THBS2: variants seen among roughly 807,000 people sequenced by gnomAD.
The protein encoded by THBS2 is thrombospondin-2.
A neutral mutation model predicts 135.2 loss-of-function variants in THBS2; 47 were observed. That is an observed-to-expected ratio of 0.35 (90% confidence interval 0.28 to 0.44). The LOEUF is 0.44. Ranked by LOEUF, THBS2 falls within the 20% of genes least tolerant of loss-of-function variation. THBS2 has a pLI of 1.00. For synonymous variants in THBS2, 639 were observed against 633.8 expected (o/e 1.01, Z -0.12); for missense variants, 1,288 against 1,603.1 (o/e 0.80, Z 3.36).
chr6:169,249,821 G>C (rs371970523), intron 2 of THBS2, among the ~76,000 whole-genome samples: 1 of 152,246 alleles, frequency 6.6e-6, no homozygotes, highest in Non-Finnish European at 1.5e-5. Context: ...ATGAGGTCAG[G>C]AGACGGAGAC....
chr6:169,242,581 C>A (rs1328971742), intron 4 of THBS2, among the ~76,000 whole-genome samples: 1 of 132,216 alleles, frequency 7.6e-6, no homozygotes, highest in Non-Finnish European at 1.6e-5. Context: ...CACCTTCCCC[C>A]AAATTCCCAC....
At chr6:169,234,942 A>G (rs1779982006) in intron 9 of THBS2, 35 bp from the exon 10 acceptor site, 1 of 1,583,476 alleles carries the variant, frequency 6.3e-7, no homozygotes, top group East Asian at 2.3e-5. Flanking sequence ...AGCTCAGAGC[A>G]AGACCCGGGG....
chr6:169,246,424 T>C (rs942241234), intron 3 of THBS2, 143 bp from the exon 4 acceptor site: 52 of 676,382 alleles, frequency 7.7e-5, no homozygotes, highest in Non-Finnish European at 1.1e-4. Flanking sequence ...TTGCAATCTC[T>C]TTATAATCAG....
intron 20 of THBS2, among the ~76,000 whole-genome samples, chr6:169,220,904 A>G (rs1319819807): frequency 6.6e-6 from 1 of 152,260 alleles, no homozygotes; most frequent in East Asian, 1.9e-4. Context: ...GCATCTGTGC[A>G]GAGTCCAGCC....
At position 169,248,855 on chromosome 6, in the gene THBS2, G is replaced by T; in HGVS notation, c.171C>A (p.Phe57Leu). Residue 57 changes from phenylalanine (F) to leucine (L), a missense_variant, in exon 3 of 22, where the codon TTC becomes TTA. Phe to Leu is a conservative substitution (Grantham distance 22). Around this residue, in one of 2 missense-constraint regions of THBS2, gnomAD observed 414 missense variants for 447.0 expected, o/e 0.93. Coordinates refer to ENST00000617924, the MANE Select transcript of THBS2 (RefSeq NM_003247.5). The stretch of plus-strand genomic sequence containing the variant: ...CCGGTGGGATGTAGTCAAAGCGCAC[G>T]AAGCGGTAAGCCGGCACGCCGGGGT... ...GPDPGVPAYR[F>L]VRFDYIPPVN... The T allele has an allele frequency of 6.2e-7, 1 of 1,611,840 alleles. No homozygotes were observed.
rs767334265 is a variant in THBS2 at position 169,225,170 on chromosome 6, G to A, written c.2748C>T (p.Phe916=). ...PDDRDNCRLV[F]NPDQEDLDGD... ...CGTCCAAGTCCTCCTGGTCTGGGTTGAACACAAGCCGGCAGTTGTCCCTGT... is the reference window on the plus strand; with the variant it reads ...CGTCCAAGTCCTCCTGGTCTGGGTTAAACACAAGCCGGCAGTTGTCCCTGT... The change falls in exon 17 of 22, where the codon TTC becomes TTT. Residue 916 remains phenylalanine, a synonymous_variant. Transcript: ENST00000617924. 44 of 1,614,098 alleles carry A rather than the reference G, an allele frequency of 2.7e-5. No individual in the cohort carries two copies. Among genetic ancestry groups the A allele is most frequent in the Non-Finnish European group, 3.6e-5 (43 of 1,180,044 alleles).
intron 4 of THBS2, among the ~76,000 whole-genome samples, chr6:169,242,845 C>T (rs1476431538): frequency 1.7e-5 from 1 of 60,390 alleles, no homozygotes. Flanking sequence ...CCCACCTTCC[C>T]ACTGCTCCCA....
At chr6:169,228,751 C>T (rs1296699198) in intron 14 of THBS2, among the ~76,000 whole-genome samples, 1 of 152,062 alleles carries the variant, frequency 6.6e-6, no homozygotes, top group Non-Finnish European at 1.5e-5. Flanking sequence ...TGGTGAAACC[C>T]CATCTCTCCT....
chr6:169,251,467 G>T lies in THBS2; in HGVS notation c.-22-661C>A, dbSNP rs28385605. ...GGGGATTTTAAGTTGGCACAGCTCA[G>T]TGGAGGCTGGCCCCGAAGTCAGGAG... On this transcript the variant is annotated intron_variant, in intron 1 of 21. Coordinates refer to ENST00000617924, the MANE Select transcript of THBS2 (RefSeq NM_003247.5). 8.5e-5 allele frequency among the ~76,000 whole-genome samples: 13 copies of T among 152,278 alleles called. No homozygotes were observed. The South Asian group carries it at 2.5e-3, about 29-fold the overall frequency.
intron 2 of THBS2, among the ~76,000 whole-genome samples, chr6:169,250,307 A>G (rs769179602): frequency 2.0e-5 from 3 of 152,348 alleles, no homozygotes; most frequent in Admixed American, 1.3e-4. Flanking sequence ...AAATAAACCA[A>G]TCTAAGTGGG....
In THBS2 at chr6:169,241,922, A is replaced by G. The variant is rs748691484; in HGVS notation, c.731T>C (p.Leu244Pro). ...GGTGGTGACATGCGGACCCAGGCGC[A>G]GCGTCTCTGTGTTCTCACTGATGGC... ...INAISENTET[L>P]RLGPHVTTEY... is the part of the protein sequence containing the mutation. The change falls in exon 5 of 22, where the codon CTG (leucine) becomes CCG (proline). Residue 244 changes from leucine to proline, a missense_variant. By Grantham distance (98) the Leu-to-Pro change is moderately conservative. Transcript: ENST00000617924. This position sits in a 1 kb window ranked among gnomAD's most constrained non-coding sequence, Gnocchi z 5.5. 6.2e-7 allele frequency: 1 copy of G among 1,611,638 alleles called. No homozygotes were observed. The highest frequency in any genetic ancestry group is 8.5e-7 in the Non-Finnish European group (1 of 1,179,782).
Position 169,215,926 on chromosome 6 carries a change from C to T in THBS2, c.*1896G>A, listed in dbSNP as rs1220174271. 1 of 152,476 alleles carries T rather than the reference C, an allele frequency of 6.6e-6. No individual in the cohort carries two copies. The highest frequency in any genetic ancestry group is 2.4e-5 in the African/African-American group (1 of 41,430). 9.4% of individuals were successfully genotyped at this position (152,476 alleles called of 1,614,324 possible). ...TTACAGTCTTTGGCAAAACACATGA[C>T]GTTTCATCAACCTATACGATAAATT... On this transcript the variant is annotated 3_prime_UTR_variant, in exon 22 of 22. Coordinates refer to ENST00000617924, the MANE Select transcript of THBS2 (RefSeq NM_003247.5).
intron 9 of THBS2, 121 bp from the exon 10 acceptor site, chr6:169,235,028 G>A (rs1779985035): frequency 9.8e-7 from 1 of 1,019,372 alleles, no homozygotes; most frequent in Non-Finnish European, 1.4e-6. Flanking sequence ...CCACAAACTG[G>A]TTTCTCCCCA....
Position 169,237,644 on chromosome 6 carries a change from C to T in THBS2, c.1281G>A (p.Leu427=), listed in dbSNP as rs1429120783. 2.5e-6 allele frequency: 4 copies of T among 1,612,660 alleles called. No individual in the cohort carries two copies. Among genetic ancestry groups the T allele is most frequent in the Admixed American group, 3.3e-5 (2 of 60,010 alleles). The part of the protein sequence containing the change: ...GPSIQTRACS[L]SKCDTRIRQD... ...ACTCACTGCGGGTGTCACACTTGCT[C>T]AGACTGCAAGCCCGTGTCTGGATGG... Residue 427 remains leucine (L), a synonymous_variant, in exon 8 of 22, where the codon CTG becomes CTA. Coordinates refer to ENST00000617924, the MANE Select transcript of THBS2 (RefSeq NM_003247.5).
chr6:169,232,572 C>G, intron 12 of THBS2, 92 bp downstream of exon 12: 1 of 1,520,688 alleles, frequency 6.6e-7, no homozygotes, highest in Admixed American at 2.1e-5. Flanking sequence ...GGCCACGCCA[C>G]CCCTTCCTCT....
rs1780772467 is a variant in THBS2 at position 169,252,011 on chromosome 6, T to C, written c.-22-1205A>G. Reference sequence around the variant, plus strand: ...ACTTAACTTCTCTGTCTCAGTTTCCTCATCCGTAGAATGAAACGTAGCGTC... The same window carrying C: ...ACTTAACTTCTCTGTCTCAGTTTCCCCATCCGTAGAATGAAACGTAGCGTC... On this transcript the variant is annotated intron_variant, in intron 1 of 21. Coordinates refer to ENST00000617924, the MANE Select transcript of THBS2 (RefSeq NM_003247.5). This position sits in a 1 kb window ranked among gnomAD's most constrained non-coding sequence, Gnocchi z 4.3. The C allele has an allele frequency of 1.3e-5, 2 of 152,210 alleles. No individual in the cohort carries two copies. Among genetic ancestry groups the C allele is most frequent in the Admixed American group, 1.3e-4 (2 of 15,280 alleles). The allele number at this position is 152,210 out of a possible 1,614,324, so 9.4% of individuals were successfully genotyped here. A position where few individuals can be genotyped will look rare whatever the true frequency, so the allele number is the denominator to read the frequency against.
intron 9 of THBS2, among the ~76,000 whole-genome samples, chr6:169,236,928 C>G (rs1242353727): frequency 6.6e-6 from 1 of 152,260 alleles, no homozygotes; most frequent in Non-Finnish European, 1.5e-5. Flanking sequence ...CTGTCCTGAA[C>G]TGGAATGAAA....
chr6:169,240,285 C>T (rs540814818), intron 6 of THBS2, among the ~76,000 whole-genome samples, 167 bp downstream of exon 6: 2 of 152,220 alleles, frequency 1.3e-5, no homozygotes, highest in Non-Finnish European at 2.9e-5. Flanking sequence ...TGATTCAAGT[C>T]CTAAATACGG....
chr6:169,237,711 C>A lies in THBS2; in HGVS notation c.1214G>T (p.Gly405Val). 1 of 1,612,826 alleles carries A rather than the reference C, an allele frequency of 6.2e-7. No homozygotes were observed. The highest frequency in any genetic ancestry group is 8.5e-7 in the Non-Finnish European group (1 of 1,179,980). Reference sequence around the variant, plus strand: ...GTTGCTGGTGACGTCACAGGACCGGCCTCTCTGCTGGGTCCCAGAGCCACA... The same window carrying A: ...GTTGCTGGTGACGTCACAGGACCGGACTCTCTGCTGGGTCCCAGAGCCACA... ...VTCGSGTQQR[G>V]RSCDVTSNTC... The change falls in exon 8 of 22, where the codon GGC becomes GTC. Residue 405 changes from glycine to valine, a missense_variant. Gly to Val is a moderately radical substitution (Grantham distance 109, BLOSUM62 -3). Coordinates refer to ENST00000617924, the MANE Select transcript of THBS2 (RefSeq NM_003247.5).
Sources: gnomAD v4.1 joint callset for allele counts (sites outside exome capture counted in the v4.1 genomes callset) on GRCh38, gnomAD v4.1.1 for gene constraint, gnomAD v4.1.1 regional missense constraint, Gnocchi (gnomAD v3.1) non-coding constraint, MANE v1.5 for transcripts, NCBI Gene and HGNC (gene_info 2026-07-23, HGNC 2026-07-21) for gene names.